Variants in NRG1 observed in about 807,000 individuals in gnomAD.
NRG1 encodes pro-neuregulin-1, membrane-bound isoform.
In NRG1, 18 loss-of-function variants were observed where a neutral mutation model predicts 63.8. The ratio of observed to expected loss-of-function variants is 0.28; its 90% CI spans 0.19 to 0.42. NRG1 has a LOEUF of 0.42. Among genes scored for constraint, NRG1 ranks in the 10% least tolerant of loss-of-function variants. The probability of loss-of-function intolerance (pLI) is 1.00; values close to 1 mark genes in which losing one functional copy is unlikely to be tolerated. For missense variants in NRG1, 762 were observed against 814.7 expected, an observed-to-expected ratio of 0.94 and a Z score of 0.79; for synonymous variants, 302 against 301.3, an observed-to-expected ratio of 1.00 and a Z score of -0.02.
chr8:31,686,752 C>CT, intron 1 of NRG1, among the ~76,000 whole-genome samples: 1 of 151,000 alleles, frequency 6.6e-6, no homozygotes, highest in East Asian at 1.9e-4. Context: ...TCAGGATGGT[C>CT]TTTTTTGTTG....
chr8:31,812,533 A>G (rs1003342746), intron 1 of NRG1, among the ~76,000 whole-genome samples: 15 of 151,130 alleles, frequency 9.9e-5, no homozygotes. Context: ...ATTTCATTTC[A>G]TTTGCTTCCT....
chr8:32,072,434 A>G (rs1240215081), intron 1 of NRG1, among the ~76,000 whole-genome samples: 1 of 152,036 alleles, frequency 6.6e-6, no homozygotes, highest in African/African-American at 2.4e-5. Context: ...CCCCAACTCC[A>G]TGTCTCCAAA....
intron 1 of NRG1, among the ~76,000 whole-genome samples, chr8:31,734,952 A>G (rs1814507272): frequency 6.6e-6 from 1 of 152,096 alleles, no homozygotes; most frequent in African/African-American, 2.4e-5. Context: ...GTCATCTGTG[A>G]TGCTGTCAGA....
intron 1 of NRG1, among the ~76,000 whole-genome samples, chr8:31,708,820 T>A (rs1453396958): frequency 1.3e-5 from 2 of 152,128 alleles, no homozygotes; most frequent in African/African-American, 2.4e-5. Context: ...TGACTCCACA[T>A]TTATAGTTGA....
intron 1 of NRG1, among the ~76,000 whole-genome samples, chr8:32,554,086 T>C (rs1207998267): frequency 6.6e-6 from 1 of 152,174 alleles, no homozygotes; most frequent in East Asian, 1.9e-4. Context: ...AAGACGCAAA[T>C]GAATGAACTT....
chr8:31,854,857 G>A (rs868453631), intron 1 of NRG1, among the ~76,000 whole-genome samples: 2,381 of 151,870 alleles, frequency 0.016, 25 homozygotes, highest in South Asian at 0.038. Flanking sequence ...TTCTGCCTTC[G>A]TTTCGTTATG....
At chr8:32,134,434 G>A (rs1835246884) in intron 1 of NRG1, among the ~76,000 whole-genome samples, 1 of 152,026 alleles carries the variant, frequency 6.6e-6, no homozygotes, top group African/African-American at 2.4e-5. Flanking sequence ...CAATTAGACT[G>A]TACCAGAAGA....
At chr8:31,728,485 T>C (rs1173234857) in intron 1 of NRG1, among the ~76,000 whole-genome samples, 1 of 152,158 alleles carries the variant, frequency 6.6e-6, no homozygotes, top group East Asian at 1.9e-4. Context: ...TTTGATTGCA[T>C]CACTTTTTTT....
At chr8:31,978,981 CTT>C (rs1477459580) in intron 1 of NRG1, among the ~76,000 whole-genome samples, 1 of 152,136 alleles carries the variant, frequency 6.6e-6, no homozygotes, top group Admixed American at 6.6e-5. Context: ...AACAATAAAA[CTT>C]TCAGCCTTCA....
intron 1 of NRG1, among the ~76,000 whole-genome samples, chr8:32,174,526 A>G (rs900325296): frequency 6.6e-6 from 1 of 152,242 alleles, no homozygotes; most frequent in Non-Finnish European, 1.5e-5. Flanking sequence ...AACCCTTCAA[A>G]AAATCAATGA....
At chr8:31,763,775 C>T (rs796307047) in intron 1 of NRG1, among the ~76,000 whole-genome samples, 10 of 152,218 alleles carry the variant, frequency 6.6e-5, no homozygotes, top group African/African-American at 2.2e-4. Context: ...ACGGTGAAAC[C>T]CCGTCTCTAC....
At chr8:32,561,759 G>A (rs534927803) in intron 1 of NRG1, among the ~76,000 whole-genome samples, 8 of 151,906 alleles carry the variant, frequency 5.3e-5, no homozygotes, top group African/African-American at 1.7e-4. Flanking sequence ...GAGACCCAGG[G>A]GTCAAAGGCC....
At chr8:31,826,510 A>G (rs561134743) in intron 1 of NRG1, among the ~76,000 whole-genome samples, 1 of 152,314 alleles carries the variant, frequency 6.6e-6, no homozygotes, top group South Asian at 2.1e-4. Context: ...AGGCCTCCCC[A>G]GCCATGTGGA....
intron 1 of NRG1, among the ~76,000 whole-genome samples, chr8:31,695,012 G>T (rs534082248): frequency 5.6e-4 from 86 of 152,274 alleles, no homozygotes; most frequent in African/African-American, 1.9e-3. Flanking sequence ...AAGCAAAGAG[G>T]TTTAATTGAC....
intron 1 of NRG1, among the ~76,000 whole-genome samples, chr8:31,918,047 G>A (rs1156782522): frequency 1.3e-5 from 2 of 152,122 alleles, no homozygotes; most frequent in Non-Finnish European, 2.9e-5. Context: ...TTTGTACATT[G>A]ATTTTGTATC....
At chr8:32,282,146 T>C (rs1161537845) in intron 1 of NRG1, among the ~76,000 whole-genome samples, 3 of 151,820 alleles carry the variant, frequency 2.0e-5, no homozygotes, top group African/African-American at 7.3e-5. Flanking sequence ...GAGAGTGGAG[T>C]TTGCACAGCT....
intron 1 of NRG1, among the ~76,000 whole-genome samples, chr8:32,511,538 T>A (rs750120107): frequency 1.3e-5 from 2 of 151,870 alleles, no homozygotes; most frequent in Non-Finnish European, 2.9e-5. Context: ...AGTGTTCCAC[T>A]TAAGCTTAGC....
rs577196593 is a variant in NRG1, at chr8:32,764,236, C to T, written c.1748C>T (p.Thr583Met). 55 of 1,614,010 alleles carry T rather than the reference C, an allele frequency of 3.4e-5. 1 individual carries two copies. The highest frequency in any genetic ancestry group is 8.8e-5 in the South Asian group (8 of 91,084). Residue 583 changes from threonine (T) to methionine (M), a missense_variant, in exon 12 of 12, where the codon ACG becomes ATG. Coordinates refer to ENST00000356819, the Ensembl canonical transcript of NRG1. The stretch of plus-strand genomic sequence containing the variant: ...GAAGATGAAAGAGTAGGTGAAGATA[C>T]GCCTTTCCTGGGCATACAGAACCCC...
At chr8:31,900,739 G>A (rs768984083) in intron 1 of NRG1, among the ~76,000 whole-genome samples, 16 of 152,044 alleles carry the variant, frequency 1.1e-4, no homozygotes, top group South Asian at 2.1e-4. Context: ...CCTTTTCCCC[G>A]TCTCAAGCAA....
Sources: gnomAD v4.1 joint callset for allele counts (sites outside exome capture counted in the v4.1 genomes callset) on GRCh38, gnomAD v4.1.1 for gene constraint, MANE v1.5 for transcripts, NCBI Gene and HGNC (gene_info 2026-07-23, HGNC 2026-07-21) for gene names.